SMURF1: variants seen among roughly 807,000 people sequenced by gnomAD.
The protein encoded by SMURF1 is E3 ubiquitin-protein ligase SMURF1.
In SMURF1, 44 loss-of-function variants were observed where a neutral mutation model predicts 98.0. The ratio of observed to expected loss-of-function variants is 0.45; its 90% CI spans 0.35 to 0.58. SMURF1 has a LOEUF of 0.58. SMURF1 is among the 20% of genes least tolerant of loss of function. SMURF1 has a pLI of 0.00. For synonymous variants in SMURF1, 396 were observed against 374.9 expected (o/e 1.06, Z -0.65); for missense variants, 687 against 938.4 (o/e 0.73, Z 3.50).
At chr7:99,079,642 T>G (rs1796540386) in intron 1 of SMURF1, among the ~76,000 whole-genome samples, 1 of 152,170 alleles carries the variant, frequency 6.6e-6, no homozygotes, top group South Asian at 2.1e-4. Flanking sequence ...TCTGCATTCA[T>G]TCACTAAATG....
Position 99,061,839 on chromosome 7 carries a change from TA to T in SMURF1, c.56-3del. On this transcript the variant is annotated splice_region_variant and splice_polypyrimidine_tract_variant and intron_variant, in intron 1 of 17. Coordinates refer to ENST00000361368, the MANE Select transcript of SMURF1 (RefSeq NM_181349.3). ...TTGCAAGGTTCTTGGCACATAACAC[TA>T]AAAACAAAGAAAAATTACTCAGGTT... The T allele has an allele frequency of 6.2e-7, 1 of 1,600,650 alleles. No homozygotes were observed. Among genetic ancestry groups the T allele is most frequent in the East Asian group, 2.2e-5 (1 of 44,578 alleles).
chr7:99,142,056 G>A lies in SMURF1; in HGVS notation c.55+1670C>T, dbSNP rs576768658. ...AAACTGGAAAGAGAGTAGTACCAAT[G>A]AGAGTGAGAAAGGGAAGACGAGGAT... is the stretch of plus-strand genomic sequence containing the variant. On this transcript the variant is annotated intron_variant, in intron 1 of 17. Coordinates refer to ENST00000361368, the MANE Select transcript of SMURF1 (RefSeq NM_181349.3). Among the ~76,000 whole-genome samples, 19 of 152,160 alleles carry A rather than the reference G, an allele frequency of 1.2e-4. No homozygotes were observed. The East Asian group carries it at 3.3e-3, about 26-fold the overall frequency.
At chr7:99,066,027 A>G (rs1476131758) in intron 1 of SMURF1, among the ~76,000 whole-genome samples, 1 of 150,520 alleles carries the variant, frequency 6.6e-6, no homozygotes, top group Non-Finnish European at 1.5e-5. Flanking sequence ...GCCTGATGAC[A>G]CAGTGAGATT....
intron 1 of SMURF1, among the ~76,000 whole-genome samples, chr7:99,122,546 A>T (rs973978496): frequency 6.0e-5 from 9 of 151,112 alleles, no homozygotes; most frequent in Admixed American, 4.6e-4. Context: ...TGGGAGGCTG[A>T]GGCAGAAGAA....
intron 1 of SMURF1, 136 bp from the exon 2 acceptor site, chr7:99,061,973 A>G (rs1461651722): frequency 5.3e-6 from 3 of 568,844 alleles, no homozygotes; most frequent in Non-Finnish European, 9.1e-6. Context: ...CTAGTATCAT[A>G]TGAAACAAAA....
At chr7:99,118,026 A>G (rs1426825090) in intron 1 of SMURF1, among the ~76,000 whole-genome samples, 2 of 152,240 alleles carry the variant, frequency 1.3e-5, no homozygotes, top group African/African-American at 4.8e-5. Context: ...GCACATGAAA[A>G]TACGCTCATC....
In SMURF1 at chr7:99,054,786, G is replaced by GT; in HGVS notation, c.479+3dup. On this transcript the variant is annotated splice_donor_region_variant and intron_variant, in intron 6 of 17. Coordinates refer to ENST00000361368, the MANE Select transcript of SMURF1 (RefSeq NM_181349.3). ...AGCCCGCCTCTTGCTGTGGTTATAC[G>GT]TACCCTTCATTTTCTAACAGTCCTC... 1 of 1,613,608 alleles carries GT rather than the reference G, an allele frequency of 6.2e-7. No individual in the cohort carries two copies. The highest frequency in any genetic ancestry group is 1.7e-5 in the Admixed American group (1 of 59,998).
Position 99,123,362 on chromosome 7 carries a change from GTC to G in SMURF1, c.55+20362_55+20363del, listed in dbSNP as rs914435261. Among the ~76,000 whole-genome samples the G allele has an allele frequency of 6.6e-4, 101 of 152,166 alleles. 2 individuals are homozygous for G. The highest frequency in any genetic ancestry group is 2.3e-3 in the African/African-American group (97 of 41,518). The stretch of plus-strand genomic sequence containing the variant: ...AGCCTGGGCAACATTGTGAGACCCT[GTC>G]TCTATAAAAAATTAAACAATTAGCC... On this transcript the variant is annotated intron_variant, in intron 1 of 17. Transcript: ENST00000361368.
intron 1 of SMURF1, among the ~76,000 whole-genome samples, chr7:99,096,980 C>G (rs1796968903): frequency 6.6e-6 from 1 of 151,734 alleles, no homozygotes; most frequent in Non-Finnish European, 1.5e-5. Context: ...GAAAAAATAA[C>G]AGGAAAATCT....
At chr7:99,041,379 G>A (rs1795374620) in intron 12 of SMURF1, among the ~76,000 whole-genome samples, 1 of 152,118 alleles carries the variant, frequency 6.6e-6, no homozygotes, top group Admixed American at 6.6e-5. Context: ...TCCAGCCTGG[G>A]GGACACAGCG....
At chr7:99,032,355 A>G (rs1794931991) in intron 17 of SMURF1, among the ~76,000 whole-genome samples, 1 of 152,214 alleles carries the variant, frequency 6.6e-6, no homozygotes, top group Non-Finnish European at 1.5e-5. Flanking sequence ...AGAGTCCTAC[A>G]AATCGGAAAA....
intron 1 of SMURF1, among the ~76,000 whole-genome samples, chr7:99,104,256 C>A (rs1797149610): frequency 6.6e-6 from 1 of 152,156 alleles, no homozygotes; most frequent in Non-Finnish European, 1.5e-5. Context: ...ACTTAAGAAT[C>A]ATTTTGGTCA....
intron 12 of SMURF1, among the ~76,000 whole-genome samples, chr7:99,041,320 T>C (rs1193630208): frequency 6.6e-5 from 10 of 152,188 alleles, no homozygotes; most frequent in African/African-American, 2.2e-4. Flanking sequence ...GAGAATCGCT[T>C]GAACCTGGGA....
At chr7:99,073,563 G>A (rs1470844868) in intron 1 of SMURF1, among the ~76,000 whole-genome samples, 1 of 151,604 alleles carries the variant, frequency 6.6e-6, no homozygotes, top group East Asian at 1.9e-4. Flanking sequence ...TCAGGAGTTC[G>A]AGACCAGCCT....
At chr7:99,143,514 C>G (rs1267669215) in intron 1 of SMURF1, among the ~76,000 whole-genome samples, 1 of 86,070 alleles carries the variant, frequency 1.2e-5, no homozygotes, top group Non-Finnish European at 2.2e-5. Flanking sequence ...GAACGCGAGA[C>G]CGAGGGGGCG....
rs1289214748 is a variant in SMURF1 at position 99,032,367 on chromosome 7, A to G, written c.2096+670T>C. On this transcript the variant is annotated intron_variant, in intron 17 of 17. Coordinates refer to ENST00000361368, the MANE Select transcript of SMURF1 (RefSeq NM_181349.3). ...AACAGAGTCCTACAAATCGGAAAAC[A>G]GCTTTAAAAAATAACATGAGGCCGG... Among the ~76,000 whole-genome samples, 3 of 152,250 alleles carry G rather than the reference A, an allele frequency of 2.0e-5. No homozygotes were observed. In the East Asian group the frequency reaches 5.8e-4, roughly 29 times the overall value.
In SMURF1 at chr7:99,060,614, T is replaced by A. The variant is rs768317111; in HGVS notation, c.188A>T (p.Asn63Ile). 1.2e-6 allele frequency: 2 copies of A among 1,613,670 alleles called. No individual in the cohort carries two copies. Among genetic ancestry groups the A allele is most frequent in the South Asian group, 2.2e-5 (2 of 91,044 alleles). ...TTCAACTCACAGATCATAGTGCTGG[T>A]TCCACTTTGGGTCCAATGTGTTTTT... ...TVKNTLDPKWNQHYDLYVGKT... is the reference protein window; with the variant it reads ...TVKNTLDPKWIQHYDLYVGKT... Residue 63 changes from asparagine to isoleucine, a missense_variant, in exon 3 of 18, where the codon AAC (asparagine) becomes ATC (isoleucine). Physicochemically the swap from Asn to Ile is moderately radical, Grantham distance 149. Around this residue, in one of 2 missense-constraint regions of SMURF1, gnomAD observed 415 missense variants for 508.4 expected, o/e 0.82. Coordinates refer to ENST00000361368, the MANE Select transcript of SMURF1 (RefSeq NM_181349.3).
At chr7:99,061,064 G>A (rs1230107008) in intron 2 of SMURF1, among the ~76,000 whole-genome samples, 2 of 152,104 alleles carry the variant, frequency 1.3e-5, no homozygotes, top group African/African-American at 4.8e-5. Context: ...GTATTCACCA[G>A]GCCTTAATTC....
chr7:99,085,680 G>A (rs1433568336), intron 1 of SMURF1, among the ~76,000 whole-genome samples: 1 of 152,162 alleles, frequency 6.6e-6, no homozygotes, highest in African/African-American at 2.4e-5. Flanking sequence ...GACAAATGTA[G>A]AATGACATGT....
Sources: allele counts gnomAD v4.1 joint callset (sites outside exome capture counted in the v4.1 genomes callset), GRCh38; gene constraint gnomAD v4.1.1; regional missense constraint gnomAD v4.1.1; transcripts MANE v1.5; gene names NCBI Gene and HGNC (gene_info 2026-07-23, HGNC 2026-07-21).